RHD: variants seen among roughly 807,000 people sequenced by gnomAD.
RHD encodes the protein Rh blood group D antigen.
RHD carries 16 observed loss-of-function variants against 45.5 expected under a neutral mutation model. The ratio of observed to expected loss-of-function variants is 0.35; its 90% CI spans 0.24 to 0.53. RHD has a LOEUF of 0.53. RHD is among the 20% of genes least tolerant of loss of function. The probability of loss-of-function intolerance (pLI) is 0.92; values close to 1 mark genes in which losing one functional copy is unlikely to be tolerated. For missense variants in RHD, 306 were observed against 532.0 expected (o/e 0.58, Z 4.18); for synonymous variants, 131 against 217.5 (o/e 0.60, Z 3.50).
intron 8 of RHD, among the ~76,000 whole-genome samples, chr1:25,317,845 G>A (rs2124107675): frequency 1.0e-5 from 1 of 97,992 alleles, no homozygotes; most frequent in African/African-American, 3.4e-5. Context: ...TGGTGTGAAT[G>A]GAGTGAGAAG....
At chr1:25,281,186 C>T (rs1276123213) in intron 1 of RHD, among the ~76,000 whole-genome samples, 1 of 132,064 alleles carries the variant, frequency 7.6e-6, no homozygotes, top group African/African-American at 2.6e-5. Context: ...CAGAGCTGGG[C>T]TCTGCTGCCG....
chr1:25,329,246 T>TG lies in RHD; in HGVS notation c.*322_*323insG, dbSNP rs1459379614. The TG allele has an allele frequency of 1.6e-6, 1 of 634,428 alleles. No homozygotes were observed. The highest frequency in any genetic ancestry group is 2.5e-6 in the Non-Finnish European group (1 of 394,796). The allele number at this position is 634,428 out of a possible 1,614,324, so 39.3% of individuals were successfully genotyped here. ...TTTATTATTATTCCTTGTTTTTTTT[T>TG]TTTTTTTTTTTTTTTTGAGATGTAG... On this transcript the variant is annotated 3_prime_UTR_variant, in exon 10 of 10. Transcript: ENST00000328664.
intron 1 of RHD, among the ~76,000 whole-genome samples, chr1:25,281,603 A>T (rs1187742131): frequency 7.6e-6 from 1 of 131,300 alleles, no homozygotes; most frequent in Non-Finnish European, 1.8e-5. Context: ...CTCCTGAGGG[A>T]ATTTGAGTAA....
chr1:25,296,572 T>A (rs1284411480), intron 3 of RHD, among the ~76,000 whole-genome samples: 1 of 129,904 alleles, frequency 7.7e-6, no homozygotes, highest in African/African-American at 2.6e-5. Context: ...TGCAGTTGGG[T>A]TCTGTATCCC....
chr1:25,283,439 G>C (rs1336622161), intron 1 of RHD, among the ~76,000 whole-genome samples: 2 of 130,570 alleles, frequency 1.5e-5, no homozygotes, highest in African/African-American at 5.2e-5. Context: ...GCTGAGGCAG[G>C]AGAATCACTT....
At position 25,282,823 on chromosome 1, in the gene RHD, A is replaced by G. The variant is rs773182167; in HGVS notation, c.149-1750A>G. 9.4e-4 allele frequency among the ~76,000 whole-genome samples: 122 copies of G among 129,244 alleles called. 28 individuals are homozygous for G. Among genetic ancestry groups the G allele is most frequent in the Non-Finnish European group, 2.0e-3 (107 of 54,562 alleles). 84.8% of individuals were successfully genotyped at this position (129,244 alleles called of 152,430 possible). On this transcript the variant is annotated intron_variant, in intron 1 of 9. Transcript: ENST00000328664. ...AGCACAAGAATCACTTGAACCCGGG[A>G]GGTGGAGGTTGCAGCGAGCCGAGAT... is the stretch of plus-strand genomic sequence containing the variant.
Position 25,286,676 on chromosome 1 carries a change from C to T in RHD, c.335+1917C>T, listed in dbSNP as rs1237156255. Among the ~76,000 whole-genome samples, 3 of 134,030 alleles carry T rather than the reference C, an allele frequency of 2.2e-5. 1 individual carries two copies. Among genetic ancestry groups the T allele is most frequent in the African/African-American group, 7.8e-5 (3 of 38,538 alleles). 87.9% of individuals were successfully genotyped at this position (134,030 alleles called of 152,430 possible). A position where few individuals can be genotyped will look rare whatever the true frequency, so the allele number is the denominator to read the frequency against. ...TGGTGGGCGCCTGTAGTCCCAGCCA[C>T]TCGGGAGGCTGAGGCAGGAGAATGG... On this transcript the variant is annotated intron_variant, in intron 2 of 9. Coordinates refer to ENST00000328664, the MANE Select transcript of RHD (RefSeq NM_016124.6).
rs1249255366 is a variant in RHD at position 25,302,012 on chromosome 1, T to A, written c.801+326T>A. Among the ~76,000 whole-genome samples the A allele has an allele frequency of 1.4e-4, 18 of 130,610 alleles. 2 individuals carry two copies. The highest frequency in any genetic ancestry group is 4.5e-4 in the African/African-American group (17 of 38,152). 85.7% of individuals were successfully genotyped at this position (130,610 alleles called of 152,430 possible). ...TGAGCGAGAGTCAGCAGCAACAGACTAGACTAGAATTAGCCAGCCTCTCTC... is the reference window on the plus strand; with the variant it reads ...TGAGCGAGAGTCAGCAGCAACAGACAAGACTAGAATTAGCCAGCCTCTCTC... On this transcript the variant is annotated intron_variant, in intron 5 of 9. Coordinates refer to ENST00000328664, the MANE Select transcript of RHD (RefSeq NM_016124.6).
At chr1:25,301,428 T>A in intron 4 of RHD, 92 bp from the exon 5 acceptor site, 1 of 1,156,760 alleles carries the variant, frequency 8.6e-7, no homozygotes, top group Non-Finnish European at 1.3e-6. Context: ...GCTGAGACTC[T>A]CCAGCCCTAG....
chr1:25,309,954 T>A (rs1177398635), intron 7 of RHD, among the ~76,000 whole-genome samples: 1 of 132,712 alleles, frequency 7.5e-6, no homozygotes, highest in Non-Finnish European at 1.8e-5. Flanking sequence ...TTTGGGTTTA[T>A]CCTCTATTCT....
intron 7 of RHD, among the ~76,000 whole-genome samples, chr1:25,307,372 TC>T (rs1375856738): frequency 7.6e-6 from 1 of 131,506 alleles, no homozygotes; most frequent in Non-Finnish European, 1.8e-5. Context: ...AGCCATTACT[TC>T]CTGGATGTTG....
chr1:25,315,652 A>G (rs2124087627), intron 7 of RHD, among the ~76,000 whole-genome samples: 1 of 122,522 alleles, frequency 8.2e-6, no homozygotes, highest in South Asian at 2.5e-4. Context: ...GCCTGCCACC[A>G]CTCCCGGCTA....
intron 7 of RHD, among the ~76,000 whole-genome samples, chr1:25,314,488 C>G (rs1644329893): frequency 1.5e-5 from 2 of 131,550 alleles, no homozygotes; most frequent in South Asian, 4.6e-4. Context: ...TGTGCGTTAC[C>G]TTTTTCCTTC....
chr1:25,330,256 C>T lies in RHD; in HGVS notation c.*1332C>T, dbSNP rs1223749835. 1 of 133,096 alleles carries T rather than the reference C, an allele frequency of 7.5e-6. No individual in the cohort carries two copies. Among genetic ancestry groups the T allele is most frequent in the Admixed American group, 7.3e-5 (1 of 13,654 alleles). The allele number at this position is 133,096 out of a possible 1,614,324, so 8.2% of individuals were successfully genotyped here. ...GTTTTCTTAGGCACTTCTTAACAGA[C>T]AATTGGTCAAAATGAACTCCATTGC... On this transcript the variant is annotated 3_prime_UTR_variant, in exon 10 of 10. Coordinates refer to ENST00000328664, the MANE Select transcript of RHD (RefSeq NM_016124.6).
rs1289384799 is a variant in RHD, at chr1:25,309,100, C to T, written c.1073+2371C>T. On this transcript the variant is annotated intron_variant, in intron 7 of 9. Transcript: ENST00000328664. ...GAACTGTGGATTAGCTACTTGGTGG[C>T]ATTGGGCAAGTCAGTTGACTTTGCA... is the stretch of plus-strand genomic sequence containing the variant. Among the ~76,000 whole-genome samples the T allele has an allele frequency of 3.0e-5, 4 of 131,598 alleles. 2 individuals carry two copies. The highest frequency in any genetic ancestry group is 7.2e-5 in the Non-Finnish European group (4 of 55,846). The allele number at this position is 131,598 out of a possible 152,430, so 86.3% of individuals were successfully genotyped here.
chr1:25,316,639 G>C lies in RHD; in HGVS notation c.1074-361G>C, dbSNP rs1644457657. On this transcript the variant is annotated intron_variant, in intron 7 of 9. Transcript: ENST00000328664. ...AACAGAAAAAAAAAAAAAAAAAAGA[G>C]AGAGAGAGAAAACTGGAGGCTCTGA... Among the ~76,000 whole-genome samples the C allele has an allele frequency of 4.1e-5, 5 of 121,528 alleles. No homozygotes were observed. The South Asian group carries it at 1.3e-3, about 31-fold the overall frequency. The allele number at this position is 121,528 out of a possible 152,430, so 79.7% of individuals were successfully genotyped here.
chr1:25,312,938 A>AAAAAAAAAAAC (rs1644234824), intron 7 of RHD, among the ~76,000 whole-genome samples: 1 of 107,268 alleles, frequency 9.3e-6, no homozygotes, highest in Non-Finnish European at 2.3e-5. Flanking sequence ...AAAAAAAAAA[A>AAAAAAAAAAAC]AAAAAAAAAA....
rs540174670 is a variant in RHD, at chr1:25,307,436, C to T, written c.1073+707C>T. Among the ~76,000 whole-genome samples the T allele has an allele frequency of 7.6e-5, 10 of 131,956 alleles. 2 individuals are homozygous for T. The highest frequency in any genetic ancestry group is 2.9e-4 in the Admixed American group (4 of 13,582). 86.6% of individuals were successfully genotyped at this position (131,956 alleles called of 152,430 possible). ...ATAAAATGAAAAAGTGAATTGGGCA[C>T]GATACAGGGATAGATTTTTAGAGAT... On this transcript the variant is annotated intron_variant, in intron 7 of 9. Transcript: ENST00000328664.
At position 25,305,467 on chromosome 1, in the gene RHD, G is replaced by C. The variant is rs1344265710; in HGVS notation, c.940-1129G>C. On this transcript the variant is annotated intron_variant, in intron 6 of 9. Transcript: ENST00000328664. The stretch of plus-strand genomic sequence containing the variant: ...GCTGGAGTGCAGTGGTGCAATCTCA[G>C]CTCACTGCAACCTCCACCTCCTGGG... Among the ~76,000 whole-genome samples the C allele has an allele frequency of 3.2e-5, 2 of 62,122 alleles. 1 individual carries two copies. The highest frequency in any genetic ancestry group is 8.2e-5 in the Non-Finnish European group (2 of 24,428). 40.8% of individuals were successfully genotyped at this position (62,122 alleles called of 152,430 possible).
Sources: allele counts gnomAD v4.1 joint callset (sites outside exome capture counted in the v4.1 genomes callset), GRCh38; gene constraint gnomAD v4.1.1; transcripts MANE v1.5; gene names NCBI Gene and HGNC (gene_info 2026-07-23, HGNC 2026-07-21).